Variants in EHD4 observed in about 807,000 individuals in gnomAD.
EHD4 encodes EH domain-containing protein 4.
In EHD4, 37 loss-of-function variants were observed where a neutral mutation model predicts 51.0. The ratio of observed to expected loss-of-function variants is 0.73; its 90% CI spans 0.56 to 0.95. The LOEUF (loss-of-function observed/expected upper bound fraction) is 0.95, where lower values mean the gene tolerates loss of function less well. Among genes scored for constraint, EHD4 ranks in the 40% least tolerant of loss-of-function variants. The probability of loss-of-function intolerance (pLI) is 0.00; values close to 1 mark genes in which losing one functional copy is unlikely to be tolerated. For missense variants in EHD4, 632 were observed against 733.1 expected (o/e 0.86, Z 1.59); for synonymous variants, 297 against 317.3 (o/e 0.94, Z 0.68).
chr15:41,913,426 A>G (rs997861733), intron 4 of EHD4, among the ~76,000 whole-genome samples: 1 of 152,198 alleles, frequency 6.6e-6, no homozygotes, highest in Non-Finnish European at 1.5e-5. Flanking sequence ...GAAGAGGGGG[A>G]CTAGACCTGG....
At chr15:41,930,651 T>C (rs1486714228) in intron 3 of EHD4, among the ~76,000 whole-genome samples, 1 of 152,150 alleles carries the variant, frequency 6.6e-6, no homozygotes, top group African/African-American at 2.4e-5. Context: ...TGCACAAGTG[T>C]CCTGCATGCC....
chr15:41,900,567 G>A lies in EHD4; in HGVS notation c.*78C>T. ...ACAGAGAGGGCAGTGCCTTGCCCAA[G>A]GTCATTCGGTGAGTCAGTGGTGGAG... On this transcript the variant is annotated 3_prime_UTR_variant, in exon 6 of 6. Transcript: ENST00000220325. The surrounding 1 kb of genome is among the most constrained non-coding windows in gnomAD (Gnocchi z 4.8). The A allele has an allele frequency of 7.0e-7, 1 of 1,427,116 alleles. No individual in the cohort carries two copies. Among genetic ancestry groups the A allele is most frequent in the South Asian group, 1.4e-5 (1 of 71,902 alleles). The allele number at this position is 1,427,116 out of a possible 1,614,324, so 88.4% of individuals were successfully genotyped here. A position where few individuals can be genotyped will look rare whatever the true frequency, so the allele number is the denominator to read the frequency against.
chr15:41,916,100 C>G (rs971438572), intron 4 of EHD4, among the ~76,000 whole-genome samples: 2 of 152,236 alleles, frequency 1.3e-5, no homozygotes, highest in African/African-American at 4.8e-5. Context: ...CAACCCAACT[C>G]AGACTTGACA....
intron 5 of EHD4, among the ~76,000 whole-genome samples, chr15:41,906,309 A>C (rs2067511732): frequency 6.6e-6 from 1 of 152,182 alleles, no homozygotes; most frequent in African/African-American, 2.4e-5. Context: ...ATCAATCAGC[A>C]TGCACTCCTC....
intron 1 of EHD4, among the ~76,000 whole-genome samples, chr15:41,960,309 T>G (rs2067916573): frequency 6.6e-6 from 1 of 152,266 alleles, no homozygotes; most frequent in African/African-American, 2.4e-5. Context: ...ACATTAATAC[T>G]GGGTAATGAC....
rs72726009 is a variant in EHD4 at position 41,913,259 on chromosome 15, A to G, written c.925-3396T>C. Among the ~76,000 whole-genome samples the G allele has an allele frequency of 2.2e-3, 340 of 152,348 alleles. 1 individual carries two copies. Among genetic ancestry groups the G allele is most frequent in the Admixed American group, 3.7e-3 (56 of 15,304 alleles). On this transcript the variant is annotated intron_variant, in intron 4 of 5. Coordinates refer to ENST00000220325, the MANE Select transcript of EHD4 (RefSeq NM_139265.4). The stretch of plus-strand genomic sequence containing the variant: ...TAAAATCCACAGTCAGCCTCCAGAG[A>G]TCACTCCTGCAATTATGTGTCAAAG...
chr15:41,970,751 C>T (rs2067990092), intron 1 of EHD4, among the ~76,000 whole-genome samples: 1 of 152,208 alleles, frequency 6.6e-6, no homozygotes, highest in Non-Finnish European at 1.5e-5. Flanking sequence ...TGGGGACATG[C>T]CACCACTAAA....
At chr15:41,903,490 A>T (rs980429147) in intron 5 of EHD4, among the ~76,000 whole-genome samples, 1 of 149,092 alleles carries the variant, frequency 6.7e-6, no homozygotes, top group South Asian at 2.1e-4. Context: ...ACACACACAC[A>T]CTGAAACAAT....
chr15:41,906,204 A>T (rs2067511077), intron 5 of EHD4, among the ~76,000 whole-genome samples: 1 of 152,094 alleles, frequency 6.6e-6, no homozygotes, highest in Non-Finnish European at 1.5e-5. Flanking sequence ...CCCTTCACCT[A>T]TTTTACATAT....
intron 1 of EHD4, among the ~76,000 whole-genome samples, chr15:41,971,037 A>G (rs1181809548): frequency 6.6e-6 from 1 of 152,042 alleles, no homozygotes; most frequent in African/African-American, 2.4e-5. Flanking sequence ...CTTTCTTCAC[A>G]CTCAATTTAT....
Position 41,919,618 on chromosome 15 carries a change from A to G in EHD4, c.516T>C (p.Tyr172=). ...ACCACTGCAGGACCTGGCAGAAGTC[A>G]TAGCCTGGGTGGAGAGAAGGACACG... is the stretch of plus-strand genomic sequence containing the variant. ...SGEKQRISRG[Y]DFCQVLQWFA... Residue 172 remains tyrosine (Y), a synonymous_variant, in exon 4 of 6, where the codon TAT becomes TAC. Transcript: ENST00000220325. 4 of 1,511,188 alleles carry G rather than the reference A, an allele frequency of 2.6e-6. 1 individual carries two copies. In the South Asian group the frequency reaches 5.4e-5, roughly 21 times the overall value. 93.6% of individuals were successfully genotyped at this position (1,511,188 alleles called of 1,614,324 possible). A position where few individuals can be genotyped will look rare whatever the true frequency, so the allele number is the denominator to read the frequency against.
At chr15:41,916,845 A>C (rs2140987476) in intron 4 of EHD4, among the ~76,000 whole-genome samples, 1 of 152,372 alleles carries the variant, frequency 6.6e-6, no homozygotes, top group East Asian at 1.9e-4. Flanking sequence ...AAAAGGAACA[A>C]GCCAGATACT....
At chr15:41,964,360 T>C (rs2067947669) in intron 1 of EHD4, among the ~76,000 whole-genome samples, 1 of 152,174 alleles carries the variant, frequency 6.6e-6, no homozygotes, top group South Asian at 2.1e-4. Flanking sequence ...CTTTGGACTT[T>C]GGGAGGCCAA....
intron 3 of EHD4, among the ~76,000 whole-genome samples, chr15:41,924,656 T>C (rs1198759220): frequency 6.6e-6 from 1 of 152,090 alleles, no homozygotes; most frequent in Non-Finnish European, 1.5e-5. Context: ...GCCCGGCTGG[T>C]GAGTGGAACA....
chr15:41,935,235 G>A (rs191165966), intron 3 of EHD4, among the ~76,000 whole-genome samples: 23 of 152,270 alleles, frequency 1.5e-4, no homozygotes, highest in African/African-American at 5.3e-4. Context: ...ACCCCTTGCT[G>A]TGGGACATGT....
intron 1 of EHD4, among the ~76,000 whole-genome samples, chr15:41,955,527 C>T (rs892908775): frequency 2.6e-5 from 4 of 152,148 alleles, no homozygotes; most frequent in Non-Finnish European, 5.9e-5. Context: ...GGTCCTCTGG[C>T]TACCCTGACA....
At position 41,909,699 on chromosome 15, in the gene EHD4, C is replaced by A; in HGVS notation, c.1089G>T (p.Gln363His). The A allele has an allele frequency of 1.2e-6, 2 of 1,614,204 alleles. No individual in the cohort carries two copies. Among genetic ancestry groups the A allele is most frequent in the Non-Finnish European group, 1.7e-6 (2 of 1,180,032 alleles). The part of the protein sequence containing the change: ...AGDFPEVKAM[Q>H]EQLENYDFTK... The stretch of plus-strand genomic sequence containing the variant: ...TGACATTGTAGTGGGCTCCCAGTAC[C>A]TGCATAGCCTTGACCTCAGGGAAGT... Residue 363 changes from glutamine (Q) to histidine (H), a missense_variant and splice_region_variant, in exon 5 of 6, where the codon CAG (glutamine) becomes CAT (histidine). By Grantham distance (24) the Gln-to-His change is conservative. Transcript: ENST00000220325.
rs1036770594 is a variant in EHD4 at position 41,903,681 on chromosome 15, C to T, written c.1090-2500G>A. The stretch of plus-strand genomic sequence containing the variant: ...CAATAGAGAATCAAAATCATGGTCT[C>T]TAGGGTGGCAGGGCAGGAATTCTGG... On this transcript the variant is annotated intron_variant, in intron 5 of 5. Coordinates refer to ENST00000220325, the MANE Select transcript of EHD4 (RefSeq NM_139265.4). Among the ~76,000 whole-genome samples, 5 of 152,212 alleles carry T rather than the reference C, an allele frequency of 3.3e-5. 1 individual carries two copies. The East Asian group carries it at 5.8e-4, about 18-fold the overall frequency.
rs1453372564 is a variant in EHD4 at position 41,898,584 on chromosome 15, G to GT, written c.*2060_*2061insA. 3.3e-5 allele frequency: 5 copies of GT among 152,176 alleles called. No individual in the cohort carries two copies. The highest frequency in any genetic ancestry group is 6.6e-5 in the Admixed American group (1 of 15,262). 9.4% of individuals were successfully genotyped at this position (152,176 alleles called of 1,614,324 possible). The stretch of plus-strand genomic sequence containing the variant: ...ACGCATTCACAGAACTGTCTGCTTA[G>GT]GTTACAGCACTTTGGGAGGCCGAGG... On this transcript the variant is annotated 3_prime_UTR_variant, in exon 6 of 6. Coordinates refer to ENST00000220325, the MANE Select transcript of EHD4 (RefSeq NM_139265.4).
Sources: gnomAD v4.1 joint callset for allele counts (sites outside exome capture counted in the v4.1 genomes callset) on GRCh38, gnomAD v4.1.1 for gene constraint, Gnocchi (gnomAD v3.1) non-coding constraint, MANE v1.5 for transcripts, NCBI Gene and HGNC (gene_info 2026-07-23, HGNC 2026-07-21) for gene names.